HM13: variants seen among roughly 807,000 people sequenced by gnomAD.
HM13 encodes the protein histocompatibility minor 13.
In HM13, 18 loss-of-function variants were observed where a neutral mutation model predicts 50.0. That is an observed-to-expected ratio of 0.36 (90% CI 0.25 to 0.53). HM13 has a LOEUF of 0.53. HM13 is among the 20% of genes least tolerant of loss of function. The pLI is 0.90. For synonymous variants in HM13, 197 were observed against 232.6 expected, an observed-to-expected ratio of 0.85 and a Z score of 1.39; for missense variants, 393 against 552.4, an observed-to-expected ratio of 0.71 and a Z score of 2.89.
intron 4 of HM13, chr20:31,547,687 C>T (rs1191626023): frequency 5.0e-6 from 7 of 1,410,872 alleles, no homozygotes; most frequent in South Asian, 3.7e-5. Context: ...TACAGAAATC[C>T]TTACCGTAAG....
chr20:31,524,710 C>CTTTTTTTTTT (rs1156549702), intron 1 of HM13, among the ~76,000 whole-genome samples: 1 of 110,762 alleles, frequency 9.0e-6, no homozygotes, highest in Non-Finnish European at 1.9e-5. Flanking sequence ...TGTTGTGTGG[C>CTTTTTTTTTT]TTTTTTTTTT....
intron 2 of HM13, among the ~76,000 whole-genome samples, chr20:31,536,801 G>C (rs1182601826): frequency 6.6e-6 from 1 of 152,138 alleles, no homozygotes; most frequent in Non-Finnish European, 1.5e-5. Flanking sequence ...AACCTTCCCT[G>C]ACCACCTGTC....
intron 7 of HM13, chr20:31,550,439 C>T (rs1445971060): frequency 2.0e-5 from 6 of 301,468 alleles, no homozygotes; most frequent in Admixed American, 4.4e-5. Flanking sequence ...ACCTCTAAGC[C>T]GAGACCCCTC....
rs575658686 is a variant in HM13 at position 31,568,197 on chromosome 20, G to A, written c.1154G>A (p.Arg385His). The change falls in exon 12 of 13, where the codon CGC (arginine) becomes CAC (histidine). Residue 385 changes from arginine to histidine, a missense_variant. Transcript: ENST00000398174. ...SMQQKLAGPR[R>H]RRPQNPSAIY... ...CAGCAGAAGCTAGCTGGCCCTCGCC[G>A]CCGGCGCCCGCAGAATCCCAGCGCC... 19 of 1,612,780 alleles carry A rather than the reference G, an allele frequency of 1.2e-5. No individual in the cohort carries two copies. Among genetic ancestry groups the A allele is most frequent in the East Asian group, 4.5e-5 (2 of 44,880 alleles).
chr20:31,551,461 C>T (rs1394592770), intron 7 of HM13, among the ~76,000 whole-genome samples: 4 of 152,216 alleles, frequency 2.6e-5, no homozygotes, highest in Admixed American at 2.6e-4. Context: ...TTTCCCAAGT[C>T]TCCTGTGCAG....
At chr20:31,538,769 T>G in intron 3 of HM13, 2 of 488,036 alleles carry the variant, frequency 4.1e-6, no homozygotes, top group Non-Finnish European at 5.4e-6. Flanking sequence ...TTAATCTCTC[T>G]GGCCTCAATT....
intron 1 of HM13, among the ~76,000 whole-genome samples, chr20:31,519,643 G>T (rs148852860): frequency 0.013 from 1,944 of 152,216 alleles, 37 homozygotes; most frequent in Non-Finnish European, 0.015. Flanking sequence ...AGCAATGTGT[G>T]TTTTAACAAG....
At chr20:31,551,204 G>A (rs572102428) in intron 7 of HM13, among the ~76,000 whole-genome samples, 5 of 152,234 alleles carry the variant, frequency 3.3e-5, no homozygotes, top group African/African-American at 9.6e-5. Context: ...AAACAAGGGG[G>A]AAATTTTGTC....
At chr20:31,524,089 A>G (rs1600617846) in intron 1 of HM13, among the ~76,000 whole-genome samples, 2 of 152,152 alleles carry the variant, frequency 1.3e-5, no homozygotes, top group East Asian at 1.9e-4. Flanking sequence ...TAAGACTCCT[A>G]TGGGGCTGGG....
At chr20:31,566,498 G>A (rs1022349979) in intron 11 of HM13, among the ~76,000 whole-genome samples, 4 of 152,094 alleles carry the variant, frequency 2.6e-5, no homozygotes, top group African/African-American at 7.2e-5. Context: ...GGAGCCAGGG[G>A]AGCGCAAGGC....
At position 31,544,934 on chromosome 20, in the gene HM13, T is replaced by C; in HGVS notation, c.366-13T>C. 1 of 1,613,184 alleles carries C rather than the reference T, an allele frequency of 6.2e-7. No individual in the cohort carries two copies. Among genetic ancestry groups the C allele is most frequent in the Non-Finnish European group, 8.5e-7 (1 of 1,179,126 alleles). On this transcript the variant is annotated splice_polypyrimidine_tract_variant and intron_variant, in intron 3 of 12. Coordinates refer to ENST00000398174, the MANE Select transcript of HM13 (RefSeq NM_178581.3). The stretch of plus-strand genomic sequence containing the variant: ...GGGCTCTGTTTGCCGACTTGCTTTG[T>C]CTTTCCTTCCAGCCCCTTCATGAAT...
chr20:31,568,295 G>A (rs1985048731), intron 12 of HM13, 71 bp downstream of exon 12: 1 of 1,570,884 alleles, frequency 6.4e-7, no homozygotes, highest in African/African-American at 1.3e-5. Flanking sequence ...GGCAGACACT[G>A]CAGCTCCAGT....
At chr20:31,543,381 G>A (rs1286281023) in intron 3 of HM13, among the ~76,000 whole-genome samples, 2 of 152,126 alleles carry the variant, frequency 1.3e-5, no homozygotes, top group Non-Finnish European at 2.9e-5. Flanking sequence ...TGCCCCCCGG[G>A]TTCAAGCAAT....
At chr20:31,547,305 C>T in intron 4 of HM13, 1 of 267,372 alleles carries the variant, frequency 3.7e-6, no homozygotes, top group Non-Finnish European at 7.1e-6. Context: ...GCAGTCGTGA[C>T]GTGGCGTTCA....
chr20:31,547,175 C>T (rs1230645391), intron 4 of HM13, among the ~76,000 whole-genome samples: 2 of 152,206 alleles, frequency 1.3e-5, no homozygotes, highest in South Asian at 4.1e-4. Flanking sequence ...GGGTGCGCAT[C>T]TGCAGTCTTC....
chr20:31,538,205 C>T lies in HM13; in HGVS notation c.309C>T (p.Leu103=). Residue 103 remains leucine (L), a synonymous_variant, in exon 3 of 13, where the codon CTC becomes CTT. Coordinates refer to ENST00000398174, the MANE Select transcript of HM13 (RefSeq NM_178581.3). ...TATTCTCCCAGGAGTACATCAACCTCCTGCTGTCCATGTATTTCTTCGTGC... is the reference window on the plus strand; with the variant it reads ...TATTCTCCCAGGAGTACATCAACCTTCTGCTGTCCATGTATTTCTTCGTGC... The part of the protein sequence containing the change: ...FKIFSQEYIN[L]LLSMYFFVLG... 6.2e-7 allele frequency: 1 copy of T among 1,614,012 alleles called. No homozygotes were observed. Among genetic ancestry groups the T allele is most frequent in the Non-Finnish European group, 8.5e-7 (1 of 1,179,870 alleles).
chr20:31,539,468 G>A, intron 3 of HM13: 3 of 985,474 alleles, frequency 3.0e-6, no homozygotes, highest in Non-Finnish European at 3.6e-6. Context: ...TGTGCACATT[G>A]AGGGCATGGG....
chr20:31,534,367 G>A (rs1982990509), intron 2 of HM13, among the ~76,000 whole-genome samples: 1 of 152,124 alleles, frequency 6.6e-6, no homozygotes, highest in Admixed American at 6.6e-5. Context: ...AGGGGGAGAG[G>A]ACAGAAGGAA....
At chr20:31,522,349 G>C (rs961374939) in intron 1 of HM13, among the ~76,000 whole-genome samples, 1 of 152,066 alleles carries the variant, frequency 6.6e-6, no homozygotes, top group Non-Finnish European at 1.5e-5. Flanking sequence ...GATCATCTGA[G>C]GTCAGGAGTT....
Sources: gnomAD v4.1 joint callset for allele counts (sites outside exome capture counted in the v4.1 genomes callset) on GRCh38, gnomAD v4.1.1 for gene constraint, MANE v1.5 for transcripts, NCBI Gene and HGNC (gene_info 2026-07-23, HGNC 2026-07-21) for gene names.